PHEX: variants seen among roughly 807,000 people sequenced by gnomAD.
The protein encoded by PHEX is phosphate regulating endopeptidase X-linked, also known as phosphate-regulating neutral endopeptidase PHEX.
Under a neutral mutation model 68.0 loss-of-function variants are expected in PHEX, and 16 were observed. The ratio of observed to expected loss-of-function variants is 0.24; its 90% CI spans 0.16 to 0.36. The LOEUF is 0.36. Among genes scored for constraint, PHEX ranks in the 10% least tolerant of loss-of-function variants. The pLI, the probability that PHEX is intolerant of heterozygous loss-of-function variation, is 1.00. For missense variants in PHEX, 480 were observed against 575.5 expected (o/e 0.83, Z 1.70); for synonymous variants, 208 against 205.1 (o/e 1.01, Z -0.12).
intron 12 of PHEX, among the ~76,000 whole-genome samples, chrX:22,163,795 T>C (rs911327953): frequency 8.9e-6 from 1 of 112,202 alleles, no homozygotes; most frequent in Non-Finnish European, 1.9e-5. Flanking sequence ...AAACTATTGG[T>C]GCTTCACTTC....
chrX:22,239,149 G>T (rs2057270907), intron 20 of PHEX, among the ~76,000 whole-genome samples: 2 of 111,993 alleles, frequency 1.8e-5, no homozygotes, highest in South Asian at 7.4e-4. Context: ...CCCTGAGTTA[G>T]AAGGAAAACT....
In PHEX at chrX:22,105,802, A is replaced by T. The variant is rs753613826; in HGVS notation, c.1080-5665A>T. 2.7e-5 allele frequency among the ~76,000 whole-genome samples: 3 copies of T among 112,310 alleles called. No individual in the cohort carries two copies. The South Asian group carries it at 1.1e-3, about 41-fold the overall frequency. ...TTATGATCTCTTAAATGTGATACAA[A>T]TGTAAGCTGCCACTACAATTTGAGT... On this transcript the variant is annotated intron_variant, in intron 9 of 21. Transcript: ENST00000379374.
intron 15 of PHEX, among the ~76,000 whole-genome samples, chrX:22,198,592 C>T (rs1174362542): frequency 4.5e-5 from 5 of 111,145 alleles, no homozygotes; most frequent in Non-Finnish European, 7.5e-5. Flanking sequence ...GGTGCAAAGG[C>T]GCAGATATGG....
intron 9 of PHEX, among the ~76,000 whole-genome samples, chrX:22,106,399 T>G (rs573901557): frequency 3.6e-5 from 4 of 112,001 alleles, no homozygotes; most frequent in African/African-American, 1.3e-4. Context: ...TAATTCTTTT[T>G]GTGCCCACAG....
At chrX:22,045,698 A>G (rs927994275) in intron 2 of PHEX, among the ~76,000 whole-genome samples, 1 of 112,019 alleles carries the variant, frequency 8.9e-6, no homozygotes, top group African/African-American at 3.2e-5. Flanking sequence ...CCTCATTTAG[A>G]ACACCCTACT....
intron 3 of PHEX, among the ~76,000 whole-genome samples, chrX:22,048,664 ATAAAAGT>A (rs1927665291): frequency 8.9e-6 from 1 of 112,216 alleles, no homozygotes; most frequent in African/African-American, 3.2e-5. Context: ...GAATTTTAAC[ATAAAAGT>A]TAAAATCAGT....
At chrX:22,108,531 A>C (rs1930804715) in intron 9 of PHEX, among the ~76,000 whole-genome samples, 1 of 112,032 alleles carries the variant, frequency 8.9e-6, no homozygotes, top group Admixed American at 9.5e-5. Flanking sequence ...TTTATAAAGA[A>C]AAATAATTAC....
chrX:22,067,979 T>C (rs7051451), intron 3 of PHEX, among the ~76,000 whole-genome samples: 5,757 of 109,929 alleles, frequency 0.052, 397 homozygotes, highest in African/African-American at 0.18. Context: ...ATTACAGGCA[T>C]CCACCACCAT....
At chrX:22,223,893 G>T (rs1477929790) in intron 18 of PHEX, among the ~76,000 whole-genome samples, 1 of 113,000 alleles carries the variant, frequency 8.8e-6, no homozygotes, top group Non-Finnish European at 1.9e-5. Context: ...ACAGAAGACT[G>T]CTTGGGTTCG....
intron 9 of PHEX, among the ~76,000 whole-genome samples, chrX:22,104,274 A>G (rs958507153): frequency 3.3e-4 from 36 of 110,076 alleles, no homozygotes; most frequent in African/African-American, 1.2e-3. Flanking sequence ...AGTGGCACTG[A>G]CTCTTTGGTA....
At chrX:22,088,971 C>G (rs1188750730) in intron 5 of PHEX, among the ~76,000 whole-genome samples, 1 of 111,778 alleles carries the variant, frequency 8.9e-6, no homozygotes, top group Admixed American at 9.5e-5. Context: ...TAATTTTTGA[C>G]TAAGGTGTGA....
chrX:22,198,274 A>C (rs1934437444), intron 15 of PHEX, among the ~76,000 whole-genome samples: 1 of 90,070 alleles, frequency 1.1e-5, no homozygotes, highest in South Asian at 4.1e-4. Flanking sequence ...TTATATATAT[A>C]TATAAAATGC....
intron 11 of PHEX, among the ~76,000 whole-genome samples, chrX:22,122,638 C>T (rs1284138922): frequency 1.8e-5 from 2 of 111,871 alleles, no homozygotes; most frequent in South Asian, 3.7e-4. Context: ...TGGCATTTGA[C>T]AATAAGCAGT....
At chrX:22,124,127 G>A (rs1254133037) in intron 11 of PHEX, among the ~76,000 whole-genome samples, 8 of 111,264 alleles carry the variant, frequency 7.2e-5, no homozygotes, top group Non-Finnish European at 1.5e-4. Context: ...CACCATGCCC[G>A]GCCATGTAAT....
intron 16 of PHEX, among the ~76,000 whole-genome samples, chrX:22,215,770 G>C (rs1263422801): frequency 9.1e-6 from 1 of 110,428 alleles, no homozygotes; most frequent in Non-Finnish European, 1.9e-5. Context: ...ACCATCCTTC[G>C]AAATGCAGAG....
In PHEX at chrX:22,249,455, A is replaced by AAAAAAAAATAT; in HGVS notation, c.*1503_*1504insAAAAAAATATA. The AAAAAAAAATAT allele has an allele frequency of 3.3e-4, 13 of 39,756 alleles. No individual in the cohort carries two copies. The highest frequency in any genetic ancestry group is 1.8e-3 in the African/African-American group (11 of 6,015). The allele number at this position is 39,756 out of a possible 1,213,427, so 3.3% of individuals were successfully genotyped here. A position where few individuals can be genotyped will look rare whatever the true frequency, so the allele number is the denominator to read the frequency against. On this transcript the variant is annotated 3_prime_UTR_variant, in exon 22 of 22. Coordinates refer to ENST00000379374, the MANE Select transcript of PHEX (RefSeq NM_000444.6). The stretch of plus-strand genomic sequence containing the variant: ...TTGTGATTCTTTTAAAAAAAAAAAA[A>AAAAAAAAATAT]ATATATATATATATATATATATATA...
At chrX:22,143,458 G>A (rs886928502) in intron 12 of PHEX, among the ~76,000 whole-genome samples, 2 of 112,157 alleles carry the variant, frequency 1.8e-5, no homozygotes, top group African/African-American at 6.5e-5. Flanking sequence ...GAGCAATTCA[G>A]TGGCACTTAG....
chrX:22,112,863 A>G (rs1931040307), intron 10 of PHEX, among the ~76,000 whole-genome samples: 1 of 110,938 alleles, frequency 9.0e-6, no homozygotes, highest in South Asian at 3.9e-4. Context: ...AGATGATGGC[A>G]CCAATGCACT....
chrX:22,154,695 C>T (rs151029872), intron 12 of PHEX, among the ~76,000 whole-genome samples: 59 of 111,490 alleles, frequency 5.3e-4, no homozygotes, highest in Middle Eastern at 4.6e-3. Context: ...TTCCTGGGTC[C>T]CAGTTCAGAA....
Sources: gnomAD v4.1 joint callset for allele counts (sites outside exome capture counted in the v4.1 genomes callset) on GRCh38, gnomAD v4.1.1 for gene constraint, MANE v1.5 for transcripts, NCBI Gene and HGNC (gene_info 2026-07-23, HGNC 2026-07-21) for gene names.